Variants in HAGH observed in about 807,000 individuals in gnomAD.
The protein encoded by HAGH is hydroxyacylglutathione hydrolase, mitochondrial.
A neutral mutation model predicts 35.1 loss-of-function variants in HAGH; 29 were observed. The ratio of observed to expected loss-of-function variants is 0.83; its 90% CI spans 0.62 to 1.13. The LOEUF (loss-of-function observed/expected upper bound fraction) is 1.13, where lower values mean the gene tolerates loss of function less well. Among genes scored for constraint, HAGH ranks in the 50% most tolerant of loss-of-function variants. HAGH has a pLI of 0.00. For synonymous variants in HAGH, 225 were observed against 176.1 expected, an observed-to-expected ratio of 1.28 and a Z score of -2.20; for missense variants, 478 against 419.6, an observed-to-expected ratio of 1.14 and a Z score of -1.22.
At chr16:1,824,737 A>T (rs1250745158) in intron 1 of HAGH, among the ~76,000 whole-genome samples, 2 of 152,202 alleles carry the variant, frequency 1.3e-5, no homozygotes, top group Non-Finnish European at 2.9e-5. Flanking sequence ...CCCAAACTAT[A>T]GTTTCAATCA....
At chr16:1,819,366 A>C in intron 4 of HAGH, 143 bp from the exon 5 acceptor site, 1 of 608,834 alleles carries the variant, frequency 1.6e-6, no homozygotes. Context: ...GCTCCCCACC[A>C]CGGGACTGGG....
At chr16:1,823,079 C>G in intron 1 of HAGH, 42 bp from the exon 2 acceptor site, 1 of 1,585,734 alleles carries the variant, frequency 6.3e-7, no homozygotes, top group Non-Finnish European at 8.6e-7. Flanking sequence ...CCGCGCCAGG[C>G]CCTCCACGAC....
At chr16:1,827,169 T>C, upstream of HAGH, 1 of 1,541,186 alleles carries the variant, frequency 6.5e-7, no homozygotes, top group Non-Finnish European at 8.8e-7. Context: ...CAGTTGGTCC[T>C]CTCCGGGATG....
intron 7 of HAGH, among the ~76,000 whole-genome samples, chr16:1,811,431 G>C (rs1289393294): frequency 6.6e-6 from 1 of 151,278 alleles, no homozygotes; most frequent in Non-Finnish European, 1.5e-5. Flanking sequence ...AAGAACAACA[G>C]GCCGGGCGCG....
At chr16:1,817,627 G>A (rs1897964628) in intron 5 of HAGH, among the ~76,000 whole-genome samples, 2 of 152,272 alleles carry the variant, frequency 1.3e-5, no homozygotes, top group South Asian at 4.1e-4. Context: ...ATCTTCCCTT[G>A]GCCCCAGCAG....
At position 1,807,906 on chromosome 16, in the gene HAGH, T is replaced by C. The variant is rs1015338140; in HGVS notation, c.*1377A>G. On this transcript the variant is annotated 3_prime_UTR_variant, in exon 9 of 9. Coordinates refer to ENST00000397356, the MANE Select transcript of HAGH (RefSeq NM_005326.6). ...ACAAGCCTCGGGCCAGGCTTGCTCC[T>C]AGGTCCCAGGGCCGCTCTGCCCCTC... 1 of 152,322 alleles carries C rather than the reference T, an allele frequency of 6.6e-6. No homozygotes were observed. Among genetic ancestry groups the C allele is most frequent in the South Asian group, 2.1e-4 (1 of 4,814 alleles). The allele number at this position is 152,322 out of a possible 1,614,324, so 9.4% of individuals were successfully genotyped here. A position where few individuals can be genotyped will look rare whatever the true frequency, so the allele number is the denominator to read the frequency against.
In HAGH at chr16:1,819,974, A is replaced by T; in HGVS notation, c.355T>A (p.Ser119Thr). 6.2e-7 allele frequency: 1 copy of T among 1,612,680 alleles called. No individual in the cohort carries two copies. The highest frequency in any genetic ancestry group is 8.5e-7 in the Non-Finnish European group (1 of 1,179,626). Reference protein sequence around the residue: ...GGNEKLVKLESGLKVYGGDDR... With the variant: ...GGNEKLVKLETGLKVYGGDDR... ...TCACCCCCGTACACCTTCAGTCCCG[A>T]CTCCAGCTTGACCAGTTTCTCATTC... The change falls in exon 4 of 9, where the codon TCG becomes ACG. Residue 119 changes from serine (S) to threonine (T), a missense_variant. By Grantham distance (58) the Ser-to-Thr change is moderately conservative. Coordinates refer to ENST00000397356, the MANE Select transcript of HAGH (RefSeq NM_005326.6).
intron 1 of HAGH, among the ~76,000 whole-genome samples, chr16:1,826,136 G>A (rs1254916671): frequency 1.3e-5 from 2 of 152,160 alleles, no homozygotes; most frequent in East Asian, 1.9e-4. Context: ...AAACCGCCAG[G>A]GACGCCTCCC....
At chr16:1,822,053 CG>C (rs1898175716) in intron 3 of HAGH, 13 of 518,538 alleles carry the variant, frequency 2.5e-5, no homozygotes, top group African/African-American at 5.7e-5. Flanking sequence ...AGGAGAGAGC[CG>C]GGGGGTGGGG....
At chr16:1,810,067 AG>A (rs1189815515) in intron 7 of HAGH, 1 of 551,460 alleles carries the variant, frequency 1.8e-6, no homozygotes, top group African/African-American at 1.9e-5. Context: ...CAGGGGGCTG[AG>A]GTGGGAGGAT....
chr16:1,818,646 C>T (rs11646951), intron 5 of HAGH: 1 of 156,566 alleles, frequency 6.4e-6, no homozygotes, highest in Non-Finnish European at 1.4e-5. Context: ...TAGAAGGCCG[C>T]AGCCATGAAG....
intron 4 of HAGH, 107 bp from the exon 5 acceptor site, chr16:1,819,330 G>T: frequency 1.5e-6 from 1 of 662,692 alleles, no homozygotes; most frequent in South Asian, 1.9e-5. Flanking sequence ...AGCTCTGAGG[G>T]AAATGCCCGT....
At chr16:1,819,751 G>A (rs1596931242) in intron 4 of HAGH, 146 bp downstream of exon 4, 3 of 573,152 alleles carry the variant, frequency 5.2e-6, no homozygotes, top group Non-Finnish European at 9.3e-6. Flanking sequence ...CCTAGACAGA[G>A]AAGACCATCC....
Position 1,826,755 on chromosome 16 carries a change from G to A in HAGH, c.33C>T (p.Arg11=). 1 of 1,204,480 alleles carries A rather than the reference G, an allele frequency of 8.3e-7. No homozygotes were observed. 74.6% of individuals were successfully genotyped at this position (1,204,480 alleles called of 1,614,324 possible). A position where few individuals can be genotyped will look rare whatever the true frequency, so the allele number is the denominator to read the frequency against. Residue 11 remains arginine (R), a synonymous_variant, in exon 1 of 9, where the codon CGC becomes CGT. Transcript: ENST00000397356. The stretch of plus-strand genomic sequence containing the variant: ...AGGCGGCTCCCAGCGCGGCGAGGCT[G>A]CGGCGGCCGAGCAGCCCTCGGCCCA... MVVGRGLLGR[R]SLAALGAACA... is the part of the protein sequence containing the mutation.
In HAGH at chr16:1,814,537, A is replaced by G. The variant is rs192564551; in HGVS notation, c.747+2356T>C. On this transcript the variant is annotated intron_variant, in intron 7 of 8. Transcript: ENST00000397356. ...TGGAACTTCACCAAAACTATAAACT[A>G]TTTTCCAAAAGACAATGTTAAGAAA... 2.1e-3 allele frequency among the ~76,000 whole-genome samples: 314 copies of G among 152,086 alleles called. 2 individuals carry two copies. The highest frequency in any genetic ancestry group is 7.2e-3 in the African/African-American group (298 of 41,478).
intron 5 of HAGH, 163 bp downstream of exon 5, chr16:1,818,952 A>G: frequency 1.7e-6 from 1 of 599,738 alleles, no homozygotes; most frequent in Admixed American, 2.9e-5. Context: ...CCATCATGGG[A>G]GGAATCGGCC....
intron 1 of HAGH, among the ~76,000 whole-genome samples, chr16:1,824,219 CAA>C (rs1167533010): frequency 4.3e-5 from 6 of 140,018 alleles, no homozygotes; most frequent in African/African-American, 5.4e-5. Context: ...GAGACAGTCT[CAA>C]AAAAAAAAAA....
intron 7 of HAGH, among the ~76,000 whole-genome samples, chr16:1,813,260 C>A (rs1184619246): frequency 6.6e-6 from 1 of 152,226 alleles, no homozygotes; most frequent in Non-Finnish European, 1.5e-5. Flanking sequence ...TGGCCACATG[C>A]TTCACACCCA....
chr16:1,809,577 G>A (rs1897543160), intron 8 of HAGH, 177 bp downstream of exon 8: 9 of 672,444 alleles, frequency 1.3e-5, no homozygotes, highest in African/African-American at 5.4e-5. Flanking sequence ...CCCCGGCCAA[G>A]GTGCCAGGAA....
Sources: allele counts gnomAD v4.1 joint callset (sites outside exome capture counted in the v4.1 genomes callset), GRCh38; gene constraint gnomAD v4.1.1; transcripts MANE v1.5; gene names NCBI Gene and HGNC (gene_info 2026-07-23, HGNC 2026-07-21).